ATXN2L: variants seen among roughly 807,000 people sequenced by gnomAD.
ATXN2L encodes the protein ataxin 2 like, also known as ataxin-2-like protein.
Under a neutral mutation model 120.7 loss-of-function variants are expected in ATXN2L, and 24 were observed. That is an observed-to-expected ratio of 0.20 (90% confidence interval 0.14 to 0.28). ATXN2L has a LOEUF of 0.28. ATXN2L is among the 10% of genes least tolerant of loss of function. ATXN2L has a pLI of 1.00. For missense variants in ATXN2L, 1,312 were observed against 1,432.3 expected, an observed-to-expected ratio of 0.92 and a Z score of 1.36; for synonymous variants, 653 against 568.1, an observed-to-expected ratio of 1.15 and a Z score of -2.13.
At position 28,836,881 on chromosome 16, in the gene ATXN2L, T is replaced by C. The variant is rs1417552240; in HGVS notation, c.*616T>C. 2.6e-6 allele frequency: 3 copies of C among 1,164,982 alleles called. No individual in the cohort carries two copies. The African/African-American group carries it at 4.6e-5, about 18-fold the overall frequency. The allele number at this position is 1,164,982 out of a possible 1,614,324, so 72.2% of individuals were successfully genotyped here. A position where few individuals can be genotyped will look rare whatever the true frequency, so the allele number is the denominator to read the frequency against. On this transcript the variant is annotated 3_prime_UTR_variant, in exon 22 of 22. Coordinates refer to ENST00000336783, the MANE Select transcript of ATXN2L (RefSeq NM_007245.4). ...CCACTCCCAGCCCCCCATCCCCCCG[T>C]TCCCCAGGGGAGCTGGGGAATTCCT... is the stretch of plus-strand genomic sequence containing the variant.
chr16:28,825,653 A>G lies in ATXN2L; in HGVS notation c.366A>G (p.Arg122=), dbSNP rs755982209. Residue 122 remains arginine (R), a synonymous_variant, in exon 3 of 22, where the codon AGA becomes AGG. Transcript: ENST00000336783. ...TTGAAGGCGTCTACAACAATTCCAG[A>G]ATGCTGCATTTCCTTACAGCTGTTG... ...PVFEGVYNNS[R]MLHFLTAVVG... is the part of the protein sequence containing the mutation. 8.7e-6 allele frequency: 14 copies of G among 1,614,102 alleles called. No homozygotes were observed. In the East Asian group the frequency reaches 3.1e-4, roughly 36 times the overall value.
At chr16:28,827,120 T>C (rs1325475918) in intron 6 of ATXN2L, 134 bp downstream of exon 6, 2 of 980,474 alleles carry the variant, frequency 2.0e-6, no homozygotes, top group Non-Finnish European at 1.4e-6. Flanking sequence ...TAGAAAGGTA[T>C]AGAAAATAGC....
In ATXN2L at chr16:28,834,531, C is replaced by T. The variant is rs1229935407; in HGVS notation, c.2271C>T (p.Asp757=). ...AKGSLPPQRS[D]QHQPASAPPM... ...GCTCCCTTCCTCCGCAGCGCTCGGA[C>T]CAACACCAGCCAGCCTCAGCCCCGC... Residue 757 remains aspartate, a synonymous_variant, in exon 18 of 22, where the codon GAC becomes GAT. Transcript: ENST00000336783. 1 of 1,610,738 alleles carries T rather than the reference C, an allele frequency of 6.2e-7. No homozygotes were observed.
At chr16:28,826,714 C>A (rs998030068) in intron 5 of ATXN2L, 148 bp from the exon 6 acceptor site, 5 of 948,030 alleles carry the variant, frequency 5.3e-6, no homozygotes, top group Non-Finnish European at 5.9e-6. Context: ...GCCTCCCCAC[C>A]CCCTGGCCAT....
intron 21 of ATXN2L, 85 bp from the exon 22 acceptor site, chr16:28,835,848 C>T: frequency 1.3e-6 from 2 of 1,589,540 alleles, no homozygotes; most frequent in Non-Finnish European, 1.7e-6. Context: ...TGGTGCCACC[C>T]TTGCCATAGT....
Position 28,827,480 on chromosome 16 carries a change from C to T in ATXN2L, c.741+494C>T, listed in dbSNP as rs184625656. 1.2e-4 allele frequency among the ~76,000 whole-genome samples: 19 copies of T among 152,270 alleles called. No homozygotes were observed. In the East Asian group the frequency reaches 3.3e-3, roughly 26 times the overall value. ...CTCTTACTATCTATAATTAACCACT[C>T]CTAGCATTTGCATCACGTTATTTTT... is the stretch of plus-strand genomic sequence containing the variant. On this transcript the variant is annotated intron_variant, in intron 6 of 21. Coordinates refer to ENST00000336783, the MANE Select transcript of ATXN2L (RefSeq NM_007245.4).
At chr16:28,832,945 G>C (rs1343094540) in intron 13 of ATXN2L, 58 bp downstream of exon 13, 1 of 1,604,220 alleles carries the variant, frequency 6.2e-7, no homozygotes, top group Non-Finnish European at 8.5e-7. Flanking sequence ...GTGGTTCGTA[G>C]ATGAGGCAAA....
At chr16:28,829,709 G>T in intron 7 of ATXN2L, 149 bp from the exon 8 acceptor site, 1 of 844,822 alleles carries the variant, frequency 1.2e-6, no homozygotes, top group East Asian at 2.6e-5. Context: ...GCTCTACCTG[G>T]GATGCAGTCG....
At chr16:28,826,524 T>C in intron 5 of ATXN2L, 134 bp downstream of exon 5, 1 of 1,000,370 alleles carries the variant, frequency 1.0e-6, no homozygotes, top group Non-Finnish European at 1.4e-6. Context: ...CTTTAATGCC[T>C]TTTTTTTCCT....
Position 28,829,963 on chromosome 16 carries a change from C to T in ATXN2L, c.939C>T (p.Ile313=), listed in dbSNP as rs145751891. ...IESSPQYRLR[I]AMENDDGRTE... Reference sequence around the variant, plus strand: ...CAAGCCCCCAGTACCGCCTACGGATCGCCATGGAGAACGACGATGGGCGCA... The same window carrying T: ...CAAGCCCCCAGTACCGCCTACGGATTGCCATGGAGAACGACGATGGGCGCA... The change falls in exon 8 of 22, where the codon ATC becomes ATT. Residue 313 remains isoleucine (I), a synonymous_variant. Transcript: ENST00000336783. 232 of 1,614,086 alleles carry T rather than the reference C, an allele frequency of 1.4e-4. 1 individual carries two copies. The highest frequency in any genetic ancestry group is 1.8e-4 in the Non-Finnish European group (211 of 1,180,038).
At chr16:28,830,104 TCCTGGGGCCTGGGC>T in intron 8 of ATXN2L, 46 bp downstream of exon 8, 4 of 1,553,564 alleles carry the variant, frequency 2.6e-6, no homozygotes, top group Non-Finnish European at 3.5e-6. Flanking sequence ...TCTGGGAATA[TCCTGGGGCCTGGGC>T]CCAGAGTTGA....
Position 28,836,061 on chromosome 16 carries a change from T to G in ATXN2L, c.3024T>G (p.Ser1008Arg). The G allele has an allele frequency of 6.3e-7, 1 of 1,598,622 alleles. No homozygotes were observed. Among genetic ancestry groups the G allele is most frequent in the Non-Finnish European group, 8.5e-7 (1 of 1,171,090 alleles). Residue 1008 changes from serine to arginine, a missense_variant, in exon 22 of 22, where the codon AGT (serine) becomes AGG (arginine). Coordinates refer to ENST00000336783, the MANE Select transcript of ATXN2L (RefSeq NM_007245.4). ...CCCCCCAAGGCGCGGTGCCCCAGAG[T>G]GGGGTGCCTGCACTCTCAGCTTCCA... ...GGPPQGAVPQ[S>R]GVPALSASTP... is the part of the protein sequence containing the mutation.
rs753856911 is a variant in ATXN2L at position 28,835,201 on chromosome 16, C to T, written c.2563+14C>T. On this transcript the variant is annotated intron_variant, in intron 19 of 21. Transcript: ENST00000336783. ...AAGCCCTTTATGGTGAGTCCTGCGC[C>T]TGGTCCCTCTGCTCTGGGCTGTGTG... is the stretch of plus-strand genomic sequence containing the variant. The T allele has an allele frequency of 1.2e-6, 2 of 1,609,014 alleles. No individual in the cohort carries two copies. The highest frequency in any genetic ancestry group is 1.1e-5 in the South Asian group (1 of 90,446).
intron 4 of ATXN2L, 87 bp from the exon 5 acceptor site, chr16:28,826,153 A>T (rs1175340036): frequency 2.2e-5 from 33 of 1,513,408 alleles, no homozygotes; most frequent in Non-Finnish European, 3.0e-5. Flanking sequence ...AGAGAAATCC[A>T]GTTCTATTTA....
chr16:28,829,031 A>C (rs2053355879), intron 6 of ATXN2L, among the ~76,000 whole-genome samples: 1 of 152,154 alleles, frequency 6.6e-6, no homozygotes, highest in Non-Finnish European at 1.5e-5. Flanking sequence ...ACGCCCAGCT[A>C]GTCGCCCAGG....
chr16:28,832,131 G>C, intron 10 of ATXN2L, 74 bp from the exon 11 acceptor site: 1 of 1,518,064 alleles, frequency 6.6e-7, no homozygotes, highest in East Asian at 2.3e-5. Flanking sequence ...CTTTCTTGCT[G>C]TTTTGAGTAA....
chr16:28,835,897 C>A, intron 21 of ATXN2L, 36 bp from the exon 22 acceptor site: 1 of 1,555,964 alleles, frequency 6.4e-7, no homozygotes. Flanking sequence ...TTTCAGGATT[C>A]TGTGGTCTTC....
chr16:28,830,550 A>G (rs1346604828), intron 8 of ATXN2L, 65 bp from the exon 9 acceptor site: 13 of 1,448,490 alleles, frequency 9.0e-6, no homozygotes, highest in Non-Finnish European at 8.4e-6. Context: ...AGAAGAAGAA[A>G]TGGCTTCATC....
Position 28,823,353 on chromosome 16 carries a change from A to G in ATXN2L, c.94A>G (p.Ser32Gly). The change falls in exon 1 of 22, where the codon AGC becomes GGC. Residue 32 changes from serine (S) to glycine (G), a missense_variant. Physicochemically the swap from Ser to Gly is moderately conservative, Grantham distance 56 (BLOSUM62 0). Transcript: ENST00000336783. Reference protein sequence around the residue: ...AVARRPPGGTSPPNGGLPGPL... With the variant: ...AVARRPPGGTGPPNGGLPGPL... ...GGCCCGTCGGCCCCCCGGGGGCACCAGCCCTCCCAACGGCGGCCTCCCGGG... is the reference window on the plus strand; with the variant it reads ...GGCCCGTCGGCCCCCCGGGGGCACCGGCCCTCCCAACGGCGGCCTCCCGGG... 1 of 1,367,744 alleles carries G rather than the reference A, an allele frequency of 7.3e-7. No individual in the cohort carries two copies. Among genetic ancestry groups the G allele is most frequent in the Non-Finnish European group, 9.4e-7 (1 of 1,062,554 alleles). The allele number at this position is 1,367,744 out of a possible 1,614,324, so 84.7% of individuals were successfully genotyped here. A position where few individuals can be genotyped will look rare whatever the true frequency, so the allele number is the denominator to read the frequency against.
Sources: allele counts gnomAD v4.1 joint callset (sites outside exome capture counted in the v4.1 genomes callset), GRCh38; gene constraint gnomAD v4.1.1; transcripts MANE v1.5; gene names NCBI Gene and HGNC (gene_info 2026-07-23, HGNC 2026-07-21).